MAN2B1: variants seen among roughly 807,000 people sequenced by gnomAD.
MAN2B1 encodes the protein mannosidase alpha class 2B member 1.
A neutral mutation model predicts 127.5 loss-of-function variants in MAN2B1; 99 were observed. That is an observed-to-expected ratio of 0.78 (90% confidence interval 0.66 to 0.92). The LOEUF is 0.92. Among genes scored for constraint, MAN2B1 ranks in the 40% least tolerant of loss-of-function variants. The pLI, the probability that MAN2B1 is intolerant of heterozygous loss-of-function variation, is 0.00. For synonymous variants in MAN2B1, 573 were observed against 568.8 expected, an observed-to-expected ratio of 1.01 and a Z score of -0.11; for missense variants, 1,304 against 1,384.8, an observed-to-expected ratio of 0.94 and a Z score of 0.93.
At position 12,661,264 on chromosome 19, in the gene MAN2B1, G is replaced by A. The variant is rs574049175; in HGVS notation, c.1022C>T (p.Ala341Val). ...NLDKLIRLVN[A>V]QQAKGSSVHV... ...CCACAGGGTAGGCGCACTGACCTGC[G>A]CATTTACCAGCCGGATGAGCTTGTC... The change falls in exon 7 of 24, where the codon GCG becomes GTG. Residue 341 changes from alanine (A) to valine (V), a missense_variant. Physicochemically the swap from Ala to Val is moderately conservative, Grantham distance 64. Coordinates refer to ENST00000456935, the MANE Select transcript of MAN2B1 (RefSeq NM_000528.4). 2.0e-5 allele frequency: 32 copies of A among 1,611,304 alleles called. No homozygotes were observed. The highest frequency in any genetic ancestry group is 5.0e-5 in the Admixed American group (3 of 60,002).
rs1175779934 is a variant in MAN2B1 at position 12,665,479 on chromosome 19, C to T, written c.309G>A (p.Ser103=). The change falls in exon 3 of 24, where the codon TCG becomes TCA. Residue 103 remains serine (S), a synonymous_variant. Transcript: ENST00000456935. ...GATCTGCCAGCAAGGCAGAGATGAC[C>T]GAGTCCAGGATGTACTGCACACCGG... ...QHAGVQYILD[S]VISALLADPT... 20 of 1,614,000 alleles carry T rather than the reference C, an allele frequency of 1.2e-5. No individual in the cohort carries two copies. The highest frequency in any genetic ancestry group is 3.3e-5 in the Admixed American group (2 of 59,992).
At chr19:12,660,575 A>G (rs536708536) in intron 7 of MAN2B1, among the ~76,000 whole-genome samples, 8 of 152,264 alleles carry the variant, frequency 5.3e-5, no homozygotes, top group African/African-American at 1.9e-4. Context: ...GATTACAGAA[A>G]CAGGGTCAGA....
chr19:12,662,990 G>T (rs148987107), intron 6 of MAN2B1, among the ~76,000 whole-genome samples: 1 of 150,970 alleles, frequency 6.6e-6, no homozygotes, highest in Admixed American at 6.6e-5. Flanking sequence ...TAGAGGCCAG[G>T]TGCGGTGGCT....
Position 12,647,496 on chromosome 19 carries a change from CG to C in MAN2B1, c.2766del (p.Val923Ter). On this transcript the variant is annotated frameshift_variant, in exon 22 of 24. Coordinates refer to ENST00000456935, the MANE Select transcript of MAN2B1 (RefSeq NM_000528.4). LOFTEE classifies it high-confidence loss of function. The surrounding 1 kb of genome is among the most constrained non-coding windows in gnomAD (Gnocchi z 4.9). ...MVLLRLEHQF[A>X]VGEDSGRNLS... Reference sequence around the variant, plus strand: ...AGGTTACGTCCGGAATCCTCTCCTACGGCAAACTGGTGCTCCAAGCGCAGCA... The same window carrying C: ...AGGTTACGTCCGGAATCCTCTCCTACGCAAACTGGTGCTCCAAGCGCAGCA... The C allele has an allele frequency of 4.3e-6, 7 of 1,614,248 alleles. No homozygotes were observed. The highest frequency in any genetic ancestry group is 5.9e-6 in the Non-Finnish European group (7 of 1,180,044).
chr19:12,649,084 AG>A, intron 20 of MAN2B1, 51 bp downstream of exon 20: 1 of 1,482,048 alleles, frequency 6.7e-7, no homozygotes, highest in African/African-American at 1.4e-5. Flanking sequence ...AAGGTCCAGC[AG>A]GGGTCCAGGT....
chr19:12,656,009 GGGACAGTCAGATTCCAA>G, intron 13 of MAN2B1, 130 bp from the exon 14 acceptor site: 1 of 706,112 alleles, frequency 1.4e-6, no homozygotes, highest in Non-Finnish European at 2.5e-6. Context: ...GTGTGGTGGG[GGGACAGTCAGATTCCAA>G]GGAAATGATT....
intron 23 of MAN2B1, 119 bp from the exon 24 acceptor site, chr19:12,646,851 C>T: frequency 1.4e-6 from 1 of 739,736 alleles, no homozygotes; most frequent in African/African-American, 1.7e-5. Context: ...GTCTCCAGGG[C>T]CTCAATCCCA....
In MAN2B1 at chr19:12,657,501, T is replaced by G; in HGVS notation, c.1364A>C (p.Gln455Pro). ...GCGCGCGTAGTCGTTGGCCACGTGC[T>G]GGCGGGAGGTGCCGCTGACGGCGTC... is the stretch of plus-strand genomic sequence containing the variant. ...HHDAVSGTSR[Q>P]HVANDYARQL... Residue 455 changes from glutamine (Q) to proline (P), a missense_variant, in exon 11 of 24, where the codon CAG (glutamine) becomes CCG (proline). Gln to Pro is a moderately conservative substitution (Grantham distance 76, BLOSUM62 -1). Coordinates refer to ENST00000456935, the MANE Select transcript of MAN2B1 (RefSeq NM_000528.4). The G allele has an allele frequency of 6.4e-7, 1 of 1,569,932 alleles. No individual in the cohort carries two copies. Among genetic ancestry groups the G allele is most frequent in the Non-Finnish European group, 8.6e-7 (1 of 1,158,106 alleles).
At position 12,666,549 on chromosome 19, in the gene MAN2B1, TC is replaced by T. The variant is rs1423207469; in HGVS notation, c.152del (p.Gly51AspfsTer13). ...LLAAAGARAG[G>X]YETCPTVQPN... ...GCTCGGAGGCCCCACTCACCTCGTA[TC>T]CCCCGGCCCGAGCACCGGCAGCCGC... is the stretch of plus-strand genomic sequence containing the variant. On this transcript the variant is annotated frameshift_variant, in exon 1 of 24. Transcript: ENST00000456935. LOFTEE classifies it high-confidence loss of function. The T allele has an allele frequency of 6.3e-7, 1 of 1,581,836 alleles. No homozygotes were observed. The highest frequency in any genetic ancestry group is 2.3e-5 in the East Asian group (1 of 43,478).
In MAN2B1 at chr19:12,657,555, T is replaced by C; in HGVS notation, c.1310A>G (p.Asn437Ser). 1 of 1,559,130 alleles carries C rather than the reference T, an allele frequency of 6.4e-7. No individual in the cohort carries two copies. The highest frequency in any genetic ancestry group is 8.7e-7 in the Non-Finnish European group (1 of 1,151,462). Residue 437 changes from asparagine to serine, a missense_variant and splice_region_variant, in exon 11 of 24, where the codon AAT becomes AGT. By Grantham distance (46) the Asn-to-Ser change is conservative. Coordinates refer to ENST00000456935, the MANE Select transcript of MAN2B1 (RefSeq NM_000528.4). ...ATGCTGGAGCACAGCCATCGCCTCA[T>C]CTGCTCATAGACAATGAGTCCGGTG... ...PYGSGDSAPL[N>S]EAMAVLQHHD...
chr19:12,666,106 G>C (rs1204306765), intron 1 of MAN2B1, among the ~76,000 whole-genome samples: 1 of 152,184 alleles, frequency 6.6e-6, no homozygotes, highest in Non-Finnish European at 1.5e-5. Flanking sequence ...GTGGGGTGAT[G>C]TTATCCCCAG....
chr19:12,648,374 C>G lies in MAN2B1; in HGVS notation c.2465G>C (p.Gly822Ala), dbSNP rs369174673. ...MVHRRLLKDD[G>A]RGVSEPLMEN... Reference sequence around the variant, plus strand: ...CATTAGTGGCTCCGATACTCCGCGTCCATCGTCCTTCAGCAGCCTTCGGTG... The same window carrying G: ...CATTAGTGGCTCCGATACTCCGCGTGCATCGTCCTTCAGCAGCCTTCGGTG... The change falls in exon 21 of 24, where the codon GGA (glycine) becomes GCA (alanine). Residue 822 changes from glycine (G) to alanine (A), a missense_variant. Transcript: ENST00000456935. 18 of 1,613,196 alleles carry G rather than the reference C, an allele frequency of 1.1e-5. No homozygotes were observed. The highest frequency in any genetic ancestry group is 1.4e-5 in the Non-Finnish European group (17 of 1,179,562).
chr19:12,660,390 T>A (rs1047845914), intron 7 of MAN2B1, among the ~76,000 whole-genome samples: 2 of 152,238 alleles, frequency 1.3e-5, no homozygotes, highest in Admixed American at 6.5e-5. Flanking sequence ...TAGTCCCAGC[T>A]ACTTGGGAGG....
intron 17 of MAN2B1, 37 bp from the exon 18 acceptor site, chr19:12,650,051 A>T: frequency 6.2e-7 from 1 of 1,610,950 alleles, no homozygotes. Flanking sequence ...TGAGCCTTGG[A>T]TAAACCCCTC....
Position 12,658,106 on chromosome 19 carries a change from C to T in MAN2B1, c.1266G>A (p.Ala422=). Residue 422 remains alanine, a synonymous_variant, in exon 10 of 24, where the codon GCG becomes GCA. Transcript: ENST00000456935. The stretch of plus-strand genomic sequence containing the variant: ...CGGAGCCATAGGGTCCCACGTTGGC[C>T]GCCAGGCCCACCAGCGCCTCCAGCT... ...CNQLEALVGL[A]ANVGPYGSGD... 6.2e-7 allele frequency: 1 copy of T among 1,613,432 alleles called. No homozygotes were observed. Among genetic ancestry groups the T allele is most frequent in the East Asian group, 2.2e-5 (1 of 44,874 alleles).
At position 12,665,505 on chromosome 19, in the gene MAN2B1, C is replaced by T. The variant is rs754036398; in HGVS notation, c.283G>A (p.Ala95Thr). The T allele has an allele frequency of 8.1e-6, 13 of 1,614,160 alleles. No homozygotes were observed. The highest frequency in any genetic ancestry group is 1.0e-5 in the Non-Finnish European group (12 of 1,180,034). ...GAGTCCAGGATGTACTGCACACCGG[C>T]GTGCTGGATGTCATTCTTGACTGTG... is the stretch of plus-strand genomic sequence containing the variant. ...FYGIKNDIQH[A>T]GVQYILDSVI... Residue 95 changes from alanine (A) to threonine (T), a missense_variant, in exon 3 of 24, where the codon GCC becomes ACC. Ala to Thr is a moderately conservative substitution (Grantham distance 58, BLOSUM62 0). Transcript: ENST00000456935.
In MAN2B1 at chr19:12,648,414, G is replaced by A. The variant is rs1160000381; in HGVS notation, c.2437-12C>T. ...AGCCTTCGGTGCACCTGGGGGGAGA[G>A]TGGCCAGGAGGGGGTGAGAGTCGTG... On this transcript the variant is annotated splice_polypyrimidine_tract_variant and intron_variant, in intron 20 of 23. Transcript: ENST00000456935. 1.2e-5 allele frequency: 20 copies of A among 1,602,322 alleles called. No individual in the cohort carries two copies. Among genetic ancestry groups the A allele is most frequent in the Non-Finnish European group, 1.7e-5 (20 of 1,171,150 alleles).
intron 4 of MAN2B1, among the ~76,000 whole-genome samples, chr19:12,664,068 A>C (rs957514529): frequency 1.3e-5 from 2 of 152,190 alleles, no homozygotes; most frequent in Non-Finnish European, 2.9e-5. Context: ...TCTACAAAAA[A>C]TTTAAAAATT....
chr19:12,658,564 CCCACACTT>C, intron 7 of MAN2B1, 54 bp from the exon 8 acceptor site: 2 of 1,487,280 alleles, frequency 1.3e-6, no homozygotes, highest in South Asian at 2.3e-5. Context: ...TTCCTGGGGG[CCCACACTT>C]CCACACATGT....
Sources: allele counts gnomAD v4.1 joint callset (sites outside exome capture counted in the v4.1 genomes callset), GRCh38; gene constraint gnomAD v4.1.1; non-coding constraint Gnocchi (gnomAD v3.1); transcripts MANE v1.5; gene names NCBI Gene and HGNC (gene_info 2026-07-23, HGNC 2026-07-21).